Variants in COL5A1 observed in about 807,000 individuals in gnomAD.
COL5A1 encodes collagen alpha-1(V) chain.
A neutral mutation model predicts 263.7 loss-of-function variants in COL5A1; 16 were observed. The ratio of observed to expected loss-of-function variants is 0.06; its 90% CI spans 0.04 to 0.09. The LOEUF (loss-of-function observed/expected upper bound fraction) is 0.09. COL5A1 is among the 10% of genes least tolerant of loss of function. The pLI is 1.00. For missense variants in COL5A1, 2,036 were observed against 2,540.5 expected, an observed-to-expected ratio of 0.80 and a Z score of 4.27; for synonymous variants, 1,012 against 1,004.5, an observed-to-expected ratio of 1.01 and a Z score of -0.14.
At chr9:134,669,461 T>C (rs1209768892) in intron 1 of COL5A1, among the ~76,000 whole-genome samples, 2 of 151,896 alleles carry the variant, frequency 1.3e-5, no homozygotes, top group African/African-American at 4.8e-5. Flanking sequence ...TCCTCTACCA[T>C]AGCGATTGGC....
intron 62 of COL5A1, 54 bp downstream of exon 62, chr9:134,824,909 G>T (rs2132885031): frequency 6.4e-7 from 1 of 1,562,928 alleles, no homozygotes; most frequent in Non-Finnish European, 8.6e-7. Flanking sequence ...GGACCTGCAG[G>T]ACACATGGAG....
intron 1 of COL5A1, among the ~76,000 whole-genome samples, chr9:134,671,433 T>C (rs1486239273): frequency 6.6e-6 from 1 of 152,234 alleles, no homozygotes; most frequent in Non-Finnish European, 1.5e-5. Context: ...TTTTGAAAAC[T>C]TGCAAAGCTC....
intron 18 of COL5A1, among the ~76,000 whole-genome samples, chr9:134,759,982 T>C (rs1315676869): frequency 4.0e-5 from 2 of 50,074 alleles, no homozygotes; most frequent in Admixed American, 6.0e-4. Context: ...TGCACACACA[T>C]GCACACCCAC....
At chr9:134,737,790 C>T (rs1835158074) in intron 9 of COL5A1, among the ~76,000 whole-genome samples, 1 of 152,154 alleles carries the variant, frequency 6.6e-6, no homozygotes, top group Admixed American at 6.5e-5. Flanking sequence ...GCCAGGAGGC[C>T]CTGTCCCCAT....
chr9:134,796,255 C>A (rs1837904170), intron 34 of COL5A1, 119 bp from the exon 35 acceptor site: 1 of 1,138,166 alleles, frequency 8.8e-7, no homozygotes, highest in Non-Finnish European at 1.3e-6. Flanking sequence ...TCAGGGCCAC[C>A]TTCAGGGGTG....
chr9:134,833,547 G>C (rs1839729924), intron 64 of COL5A1, among the ~76,000 whole-genome samples: 1 of 152,188 alleles, frequency 6.6e-6, no homozygotes, highest in South Asian at 2.1e-4. Flanking sequence ...ACTGCCCTGA[G>C]GAGACGCTTC....
intron 1 of COL5A1, among the ~76,000 whole-genome samples, chr9:134,650,278 G>A (rs1435025306): frequency 2.0e-5 from 3 of 152,160 alleles, no homozygotes; most frequent in Non-Finnish European, 4.4e-5. Context: ...CTCCCAGTGA[G>A]AACACATGAG....
chr9:134,763,788 T>C, intron 20 of COL5A1, 51 bp downstream of exon 20: 1 of 1,563,050 alleles, frequency 6.4e-7, no homozygotes. Context: ...GGAGAAAGGC[T>C]TTGTCCAAGG....
Position 134,794,729 on chromosome 9 carries a change from GAGAA to G in COL5A1, c.2701-349_2701-346del, listed in dbSNP as rs138377947. ...TTTCCCTCCCTGCTGAGGACAGAGAGAGAAAGAGAGATGAGGAGGAGGGGAAGGA... is the reference window on the plus strand; with the variant it reads ...TTTCCCTCCCTGCTGAGGACAGAGAGAGAGAGATGAGGAGGAGGGGAAGGA... On this transcript the variant is annotated intron_variant, in intron 32 of 65. Transcript: ENST00000371817. The surrounding 1 kb of genome is among the most constrained non-coding windows in gnomAD (Gnocchi z 4.3). 0.025 allele frequency among the ~76,000 whole-genome samples: 3,839 copies of G among 152,270 alleles called. 169 individuals are homozygous for G. The highest frequency in any genetic ancestry group is 0.17 in the East Asian group (888 of 5,176).
At chr9:134,771,824 C>G (rs1836875260) in intron 25 of COL5A1, among the ~76,000 whole-genome samples, 1 of 152,208 alleles carries the variant, frequency 6.6e-6, no homozygotes, top group African/African-American at 2.4e-5. Flanking sequence ...GCCTTCTCAT[C>G]ACCCTGCCCA....
intron 32 of COL5A1, among the ~76,000 whole-genome samples, chr9:134,791,336 T>C (rs1837684146): frequency 6.6e-6 from 1 of 152,200 alleles, no homozygotes; most frequent in South Asian, 2.1e-4. Flanking sequence ...GTGGTTCATG[T>C]GTGTGAGATG....
At chr9:134,829,897 G>A in intron 63 of COL5A1, 79 bp from the exon 64 acceptor site, 2 of 1,485,938 alleles carry the variant, frequency 1.3e-6, no homozygotes, top group Non-Finnish European at 1.8e-6. Flanking sequence ...GGGAAAGCCT[G>A]GGGCCTTGCT....
rs746769184 is a variant in COL5A1 at position 134,727,346 on chromosome 9, C to T, written c.735C>T (p.Asp245=). The change falls in exon 5 of 66, where the codon GAC becomes GAT. Residue 245 remains aspartate (D), a synonymous_variant. Coordinates refer to ENST00000371817, the MANE Select transcript of COL5A1 (RefSeq NM_000093.5). ...GTGAGCACTACAGCCCTGACTGTGA[C>T]ACCGCAGTACCTGACACCCCACAGT... ...DYCEHYSPDC[D]TAVPDTPQSQ... is the part of the protein sequence containing the mutation. The T allele has an allele frequency of 2.7e-5, 44 of 1,613,908 alleles. No homozygotes were observed. The Admixed American group carries it at 3.3e-4, about 12-fold the overall frequency.
chr9:134,760,909 G>GCA (rs535850529), intron 18 of COL5A1, among the ~76,000 whole-genome samples: 3 of 133,270 alleles, frequency 2.3e-5, no homozygotes, highest in African/African-American at 5.8e-5. Flanking sequence ...ATACACACAT[G>GCA]CACACACACA....
chr9:134,706,942 C>T (rs1833854938), intron 4 of COL5A1, among the ~76,000 whole-genome samples: 1 of 152,250 alleles, frequency 6.6e-6, no homozygotes. Flanking sequence ...CCTTCCCCAG[C>T]CTGTGGCGGG....
intron 31 of COL5A1, among the ~76,000 whole-genome samples, chr9:134,787,012 T>C (rs994853372): frequency 1.3e-5 from 2 of 152,192 alleles, no homozygotes; most frequent in East Asian, 1.9e-4. Flanking sequence ...GCACACCCCA[T>C]ATGCAGGAGA....
chr9:134,671,232 C>T (rs559523909), intron 1 of COL5A1, among the ~76,000 whole-genome samples: 274 of 152,326 alleles, frequency 1.8e-3, no homozygotes, highest in African/African-American at 5.5e-3. Flanking sequence ...CTGCCCACCG[C>T]GGAGGGGACC....
intron 19 of COL5A1, 89 bp from the exon 20 acceptor site, chr9:134,763,604 G>T: frequency 7.3e-7 from 1 of 1,364,038 alleles, no homozygotes; most frequent in South Asian, 1.2e-5. Flanking sequence ...GCAGCCCCAA[G>T]CCAGAGAACC....
rs1015760332 is a variant in COL5A1 at position 134,681,417 on chromosome 9, T to C, written c.110-9495T>C. Among the ~76,000 whole-genome samples, 6 of 152,230 alleles carry C rather than the reference T, an allele frequency of 3.9e-5. No individual in the cohort carries two copies. Among genetic ancestry groups the C allele is most frequent in the Non-Finnish European group, 8.8e-5 (6 of 68,042 alleles). On this transcript the variant is annotated intron_variant, in intron 1 of 65. Coordinates refer to ENST00000371817, the MANE Select transcript of COL5A1 (RefSeq NM_000093.5). This position sits in a 1 kb window ranked among gnomAD's most constrained non-coding sequence, Gnocchi z 4.3. ...TGCGGGGCCCCTGCCCTCCTGCAGT[T>C]CACAGCCCGTGGAGGAGACACACGC...
Sources: allele counts gnomAD v4.1 joint callset (sites outside exome capture counted in the v4.1 genomes callset), GRCh38; gene constraint gnomAD v4.1.1; non-coding constraint Gnocchi (gnomAD v3.1); transcripts MANE v1.5; gene names NCBI Gene and HGNC (gene_info 2026-07-23, HGNC 2026-07-21).